The following PLCE1 variants were observed in gnomAD, a reference collection of about 807,000 sequenced individuals.
PLCE1 encodes 1-phosphatidylinositol 4,5-bisphosphate phosphodiesterase epsilon-1.
PLCE1 carries 119 observed loss-of-function variants against 242.8 expected under a neutral mutation model. That is an observed-to-expected ratio of 0.49 (90% CI 0.42 to 0.57). The LOEUF (loss-of-function observed/expected upper bound fraction) is 0.57, where lower values mean the gene tolerates loss of function less well. Among genes scored for constraint, PLCE1 ranks in the 20% least tolerant of loss-of-function variants. The pLI is 0.00. For missense variants in PLCE1, 2,441 were observed against 2,788.8 expected, an observed-to-expected ratio of 0.88 and a Z score of 2.81; for synonymous variants, 945 against 1,017.4, an observed-to-expected ratio of 0.93 and a Z score of 1.35.
At chr10:94,192,419 C>G (rs1435632720) in intron 4 of PLCE1, among the ~76,000 whole-genome samples, 8 of 152,186 alleles carry the variant, frequency 5.3e-5, no homozygotes, top group Non-Finnish European at 2.9e-5. Context: ...GTTTAGCTCC[C>G]ACTTTTAAGT....
chr10:94,277,277 A>C (rs937534595), intron 19 of PLCE1, among the ~76,000 whole-genome samples: 1 of 152,186 alleles, frequency 6.6e-6, no homozygotes. Flanking sequence ...GCGGCTAGGT[A>C]CTGGGGAAAC....
intron 4 of PLCE1, among the ~76,000 whole-genome samples, chr10:94,174,687 T>C (rs969544481): frequency 1.3e-5 from 2 of 151,610 alleles, no homozygotes; most frequent in African/African-American, 2.4e-5. Flanking sequence ...AATCTAGCAA[T>C]GAAAAAAAAT....
intron 3 of PLCE1, among the ~76,000 whole-genome samples, chr10:94,135,524 T>C (rs1162095610): frequency 3.9e-5 from 6 of 152,198 alleles, no homozygotes; most frequent in Non-Finnish European, 8.8e-5. Flanking sequence ...AGTTTATAAA[T>C]GGGTTATATT....
chr10:94,115,877 T>G (rs2046110181), intron 2 of PLCE1, among the ~76,000 whole-genome samples: 1 of 152,222 alleles, frequency 6.6e-6, no homozygotes, highest in South Asian at 2.1e-4. Flanking sequence ...ACTTATTGTT[T>G]CCTGCCTCGT....
intron 4 of PLCE1, among the ~76,000 whole-genome samples, chr10:94,219,556 G>C (rs1444982815): frequency 6.6e-6 from 1 of 152,154 alleles, no homozygotes; most frequent in Non-Finnish European, 1.5e-5. Context: ...TAGTTGGCTG[G>C]TGTAGGTCAT....
At chr10:94,285,824 G>C (rs538406321) in intron 22 of PLCE1, among the ~76,000 whole-genome samples, 11 of 152,156 alleles carry the variant, frequency 7.2e-5, no homozygotes, top group Non-Finnish European at 1.6e-4. Flanking sequence ...TGGAAGGAGA[G>C]ATTTCCCCCA....
At chr10:94,017,347 T>C (rs905906136) in intron 1 of PLCE1, among the ~76,000 whole-genome samples, 1 of 152,170 alleles carries the variant, frequency 6.6e-6, no homozygotes, top group Non-Finnish European at 1.5e-5. Flanking sequence ...AGGTAAGAAG[T>C]GTAAGTAATA....
intron 4 of PLCE1, among the ~76,000 whole-genome samples, chr10:94,206,348 G>C (rs1364793681): frequency 6.6e-6 from 1 of 151,904 alleles, no homozygotes; most frequent in African/African-American, 2.4e-5. Context: ...GACATGAAAG[G>C]AAGTGGCAAG....
intron 7 of PLCE1, among the ~76,000 whole-genome samples, chr10:94,243,155 G>GAA (rs1364457024): frequency 6.6e-6 from 1 of 152,198 alleles, no homozygotes; most frequent in African/African-American, 2.4e-5. Flanking sequence ...TCACCAGAGA[G>GAA]AAGTCATGTT....
intron 2 of PLCE1, among the ~76,000 whole-genome samples, chr10:94,060,920 C>T (rs2044037356): frequency 8.5e-6 from 1 of 118,188 alleles, no homozygotes; most frequent in South Asian, 2.4e-4. Flanking sequence ...TGGTCTCAAA[C>T]TCCTGGGCTC....
chr10:94,316,531 T>C lies in PLCE1; in HGVS notation c.6133-16T>C. 1.3e-6 allele frequency: 2 copies of C among 1,578,290 alleles called. No homozygotes were observed. The highest frequency in any genetic ancestry group is 2.3e-4 in the Middle Eastern group (1 of 4,404). On this transcript the variant is annotated splice_polypyrimidine_tract_variant and intron_variant, in intron 28 of 32. Transcript: ENST00000371380. ...TTTTTGCCTCACTCCTCAGTTTGCC[T>C]TCACTTTTTCTTTAGATTCTGACAA...
rs1224752422 is a variant in PLCE1 at position 94,325,087 on chromosome 10, G to A, written c.*7G>A. The A allele has an allele frequency of 6.2e-7, 1 of 1,613,562 alleles. No individual in the cohort carries two copies. Among genetic ancestry groups the A allele is most frequent in the East Asian group, 2.2e-5 (1 of 44,868 alleles). ...AATGGATTACCGACAGTGACTAAGGGCAGCATGTTTAACCCAGGTATAGTA... is the reference window on the plus strand; with the variant it reads ...AATGGATTACCGACAGTGACTAAGGACAGCATGTTTAACCCAGGTATAGTA... On this transcript the variant is annotated 3_prime_UTR_variant, in exon 32 of 33. Coordinates refer to ENST00000371380, the MANE Select transcript of PLCE1 (RefSeq NM_016341.4).
intron 2 of PLCE1, among the ~76,000 whole-genome samples, chr10:94,117,104 C>T (rs1331631403): frequency 6.6e-6 from 1 of 152,168 alleles, no homozygotes; most frequent in African/African-American, 2.4e-5. Flanking sequence ...ATGAGCACAA[C>T]ATATAGAGCT....
chr10:94,290,220 G>A (rs891634431), intron 22 of PLCE1, among the ~76,000 whole-genome samples: 24 of 151,526 alleles, frequency 1.6e-4, no homozygotes, highest in African/African-American at 5.6e-4. Context: ...TTAGAGACAA[G>A]GGTCTCACTA....
chr10:94,288,812 C>T (rs2052550348), intron 22 of PLCE1, among the ~76,000 whole-genome samples: 3 of 152,156 alleles, frequency 2.0e-5, no homozygotes, highest in South Asian at 4.1e-4. Flanking sequence ...CAGTCCATTC[C>T]CTGGACACAC....
intron 2 of PLCE1, among the ~76,000 whole-genome samples, chr10:94,075,147 A>G (rs564299466): frequency 4.6e-5 from 7 of 152,146 alleles, no homozygotes; most frequent in Non-Finnish European, 1.0e-4. Flanking sequence ...CACCATCACA[A>G]TTAGTTTCTC....
chr10:94,265,517 A>G, intron 14 of PLCE1, 130 bp from the exon 15 acceptor site: 2 of 800,492 alleles, frequency 2.5e-6, no homozygotes, highest in Non-Finnish European at 4.2e-6. Flanking sequence ...ACGTTACTAA[A>G]TTAGTTCAAA....
At chr10:94,149,049 A>G (rs992622136) in intron 3 of PLCE1, among the ~76,000 whole-genome samples, 2 of 152,176 alleles carry the variant, frequency 1.3e-5, no homozygotes, top group Non-Finnish European at 2.9e-5. Context: ...CAGTAAAGGG[A>G]CTAGTCTTGA....
intron 1 of PLCE1, among the ~76,000 whole-genome samples, chr10:94,023,785 A>C (rs184675043): frequency 1.7e-4 from 26 of 152,254 alleles, no homozygotes; most frequent in Admixed American, 1.7e-3. Context: ...TATGTAATAT[A>C]CATAAAGTAT....
Sources: gnomAD v4.1 joint callset for allele counts (sites outside exome capture counted in the v4.1 genomes callset) on GRCh38, gnomAD v4.1.1 for gene constraint, MANE v1.5 for transcripts, NCBI Gene and HGNC (gene_info 2026-07-23, HGNC 2026-07-21) for gene names.